The following CSMD1 variants were observed in gnomAD, a reference collection of about 807,000 sequenced individuals.
CSMD1 encodes the protein CUB and Sushi multiple domains 1.
Under a neutral mutation model 417.5 loss-of-function variants are expected in CSMD1, and 213 were observed. The observed-to-expected ratio is 0.51, with a 90% CI of 0.46 to 0.57. The LOEUF (loss-of-function observed/expected upper bound fraction) is 0.57, where lower values mean the gene tolerates loss of function less well. Among genes scored for constraint, CSMD1 ranks in the 20% least tolerant of loss-of-function variants. CSMD1 has a pLI of 0.00. For missense variants in CSMD1, 6,923 were observed against 4,529.7 expected, an observed-to-expected ratio of 1.53 and a Z score of -15.17; for synonymous variants, 2,862 against 1,736.8, an observed-to-expected ratio of 1.65 and a Z score of -16.11.
At chr8:4,244,273 G>A (rs1266985302) in intron 3 of CSMD1, among the ~76,000 whole-genome samples, 2 of 152,124 alleles carry the variant, frequency 1.3e-5, no homozygotes, top group African/African-American at 2.4e-5. Flanking sequence ...CTGAGAGCAG[G>A]CCCCCGGGTC....
chr8:3,694,660 G>A (rs1015630944), intron 7 of CSMD1, among the ~76,000 whole-genome samples: 2 of 152,050 alleles, frequency 1.3e-5, no homozygotes, highest in Non-Finnish European at 2.9e-5. Context: ...ACACAGCAGT[G>A]GAGGAGGTGC....
intron 2 of CSMD1, among the ~76,000 whole-genome samples, chr8:4,560,629 C>G (rs1798288788): frequency 6.6e-6 from 1 of 152,220 alleles, no homozygotes; most frequent in Non-Finnish European, 1.5e-5. Flanking sequence ...GTTTAGTCCT[C>G]ATGTGACAGT....
intron 2 of CSMD1, among the ~76,000 whole-genome samples, chr8:4,583,053 G>A (rs1356919979): frequency 1.3e-5 from 2 of 152,332 alleles, no homozygotes; most frequent in South Asian, 2.1e-4. Context: ...CCCGGCGTTA[G>A]CTGCCTTCCC....
chr8:4,687,220 G>C (rs1384588580), intron 1 of CSMD1, among the ~76,000 whole-genome samples: 2 of 152,186 alleles, frequency 1.3e-5, no homozygotes, highest in South Asian at 2.1e-4. Flanking sequence ...TCTGATGACT[G>C]CATCTCCAGG....
intron 2 of CSMD1, among the ~76,000 whole-genome samples, chr8:4,591,894 G>C (rs111626212): frequency 6.6e-6 from 1 of 152,124 alleles, no homozygotes; most frequent in South Asian, 2.1e-4. Flanking sequence ...GAGGCTGAAA[G>C]TTGGGCAGAC....
At chr8:3,371,310 T>C (rs1809930393) in intron 18 of CSMD1, among the ~76,000 whole-genome samples, 1 of 152,182 alleles carries the variant, frequency 6.6e-6, no homozygotes, top group Non-Finnish European at 1.5e-5. Flanking sequence ...TCTCTACCGC[T>C]CTGTGCTTCC....
At chr8:4,056,718 A>G (rs1585220372) in intron 3 of CSMD1, among the ~76,000 whole-genome samples, 1 of 151,020 alleles carries the variant, frequency 6.6e-6, no homozygotes, top group Non-Finnish European at 1.5e-5. Context: ...CTGGTGTGTG[A>G]TGTACCCCTT....
At chr8:4,413,878 C>G (rs960115236) in intron 3 of CSMD1, among the ~76,000 whole-genome samples, 2 of 152,126 alleles carry the variant, frequency 1.3e-5, no homozygotes, top group Admixed American at 1.3e-4. Flanking sequence ...GGAAGGATAC[C>G]TGGGTTTACC....
At chr8:3,177,910 G>T (rs761833055) in intron 37 of CSMD1, among the ~76,000 whole-genome samples, 1 of 152,098 alleles carries the variant, frequency 6.6e-6, no homozygotes, top group African/African-American at 2.4e-5. Flanking sequence ...GGTTTCATTG[G>T]TTTTCTTTAG....
At chr8:4,587,600 T>A (rs1346015094) in intron 2 of CSMD1, among the ~76,000 whole-genome samples, 4 of 152,100 alleles carry the variant, frequency 2.6e-5, no homozygotes, top group African/African-American at 9.7e-5. Context: ...AGAAATAAGC[T>A]TTACTTACAA....
chr8:3,604,366 G>C (rs1801503924), intron 8 of CSMD1, among the ~76,000 whole-genome samples: 1 of 152,104 alleles, frequency 6.6e-6, no homozygotes, highest in African/African-American at 2.4e-5. Context: ...GTACCTCATG[G>C]GGTGATGCTC....
intron 1 of CSMD1, among the ~76,000 whole-genome samples, chr8:4,732,523 C>A (rs1203538120): frequency 6.6e-6 from 1 of 152,086 alleles, no homozygotes; most frequent in Non-Finnish European, 1.5e-5. Flanking sequence ...TTGCCAAATT[C>A]CAGTCTTGCA....
intron 7 of CSMD1, among the ~76,000 whole-genome samples, chr8:3,626,082 T>A (rs1283087128): frequency 1.3e-5 from 2 of 152,200 alleles, no homozygotes; most frequent in African/African-American, 2.4e-5. Flanking sequence ...TGGAGAATCG[T>A]CCTCATCACC....
chr8:4,165,190 T>C (rs182840557), intron 3 of CSMD1, among the ~76,000 whole-genome samples: 1 of 152,278 alleles, frequency 6.6e-6, no homozygotes, highest in Admixed American at 6.5e-5. Context: ...CCAGTAACTA[T>C]CAGCAACCCA....
chr8:4,178,732 G>C (rs1399795278), intron 3 of CSMD1, among the ~76,000 whole-genome samples: 2 of 152,150 alleles, frequency 1.3e-5, no homozygotes, highest in Admixed American at 6.5e-5. Flanking sequence ...CTTCAGCAAA[G>C]TCTCAGGATA....
At chr8:3,286,257 T>C (rs992563887) in intron 25 of CSMD1, among the ~76,000 whole-genome samples, 1 of 152,188 alleles carries the variant, frequency 6.6e-6, no homozygotes, top group Non-Finnish European at 1.5e-5. Flanking sequence ...TCCAAGTCTT[T>C]GCTATTGTGA....
intron 10 of CSMD1, among the ~76,000 whole-genome samples, chr8:3,548,949 G>A (rs897597199): frequency 1.3e-5 from 2 of 152,080 alleles, no homozygotes; most frequent in Non-Finnish European, 2.9e-5. Context: ...TCCTGTGCCT[G>A]TCCTGTCTTA....
chr8:3,542,943 G>A (rs1563137965), intron 10 of CSMD1, among the ~76,000 whole-genome samples: 1 of 152,124 alleles, frequency 6.6e-6, no homozygotes, highest in South Asian at 2.1e-4. Context: ...GAGACTTGGG[G>A]GACCCGCTGG....
intron 1 of CSMD1, among the ~76,000 whole-genome samples, chr8:4,893,995 A>T (rs1472099157): frequency 6.6e-6 from 1 of 152,074 alleles, no homozygotes; most frequent in Non-Finnish European, 1.5e-5. Context: ...GGATTTCAAC[A>T]TCTGTTATGT....
Sources: allele counts gnomAD v4.1 joint callset (sites outside exome capture counted in the v4.1 genomes callset), GRCh38; gene constraint gnomAD v4.1.1; transcripts MANE v1.5; gene names NCBI Gene and HGNC (gene_info 2026-07-23, HGNC 2026-07-21).